RNF213: variants seen among roughly 807,000 people sequenced by gnomAD.
The protein encoded by RNF213 is ring finger protein 213.
Under a neutral mutation model 514.4 loss-of-function variants are expected in RNF213, and 341 were observed. That is an observed-to-expected ratio of 0.66 (90% CI 0.61 to 0.73). The LOEUF (loss-of-function observed/expected upper bound fraction) is 0.73. Ranked by LOEUF, RNF213 falls within the 30% of genes least tolerant of loss-of-function variation. RNF213 has a pLI of 0.00. For synonymous variants in RNF213, 2,655 were observed against 2,658.2 expected (o/e 1.00, Z 0.04); for missense variants, 5,767 against 6,615.6 (o/e 0.87, Z 4.45).
intron 14 of RNF213, among the ~76,000 whole-genome samples, chr17:80,310,954 A>G (rs879572441): frequency 6.6e-6 from 1 of 152,210 alleles, no homozygotes; most frequent in South Asian, 2.1e-4. Context: ...TTCTTGTGTT[A>G]AAGTACCACA....
In RNF213 at chr17:80,339,988, T is replaced by G. The variant is rs1469875115; in HGVS notation, c.5621T>G (p.Val1874Gly). ...ACCCCGGCAACCACCTTTGAGGAGG[T>G]GGCACTGTTGCTGCGCCGCTGCCTG... ...LCTPATTFEE[V>G]ALLLRRCLTL... is the part of the protein sequence containing the mutation. Residue 1874 changes from valine to glycine, a missense_variant, in exon 26 of 68, where the codon GTG becomes GGG. Transcript: ENST00000582970. 5.9e-6 allele frequency: 9 copies of G among 1,537,582 alleles called. No homozygotes were observed. The highest frequency in any genetic ancestry group is 7.0e-6 in the Non-Finnish European group (8 of 1,147,004).
intron 3 of RNF213, among the ~76,000 whole-genome samples, chr17:80,278,608 C>T (rs960624415): frequency 2.0e-5 from 3 of 152,188 alleles, no homozygotes; most frequent in South Asian, 2.1e-4. Context: ...TGGAGGCAGA[C>T]GGTGCTGGGA....
At chr17:80,392,796 G>T (rs2080530694) in intron 67 of RNF213, among the ~76,000 whole-genome samples, 1 of 151,792 alleles carries the variant, frequency 6.6e-6, no homozygotes, top group Admixed American at 6.6e-5. Context: ...CTCCATGTTG[G>T]CTAGGCTGGT....
chr17:80,364,623 A>G (rs1026584549), intron 42 of RNF213, 70 bp downstream of exon 42: 63 of 1,598,588 alleles, frequency 3.9e-5, no homozygotes, highest in Non-Finnish European at 5.2e-5. Context: ...CAGCACTGAC[A>G]GTGATCTGCG....
intron 8 of RNF213, among the ~76,000 whole-genome samples, chr17:80,294,124 A>G (rs535905847): frequency 2.6e-5 from 4 of 151,980 alleles, no homozygotes; most frequent in Admixed American, 6.6e-5. Flanking sequence ...TTTACAGTCA[A>G]CCTCACTGGG....
chr17:80,333,106 T>G (rs1372716801), intron 21 of RNF213, among the ~76,000 whole-genome samples: 1 of 151,616 alleles, frequency 6.6e-6, no homozygotes, highest in Non-Finnish European at 1.5e-5. Context: ...TGGAGTGCAG[T>G]GGCGCGATCT....
At chr17:80,283,710 C>A (rs1211428020) in intron 3 of RNF213, among the ~76,000 whole-genome samples, 3 of 152,118 alleles carry the variant, frequency 2.0e-5, no homozygotes, top group Non-Finnish European at 4.4e-5. Context: ...ATCTTCCATG[C>A]TGGTGGGAGG....
At chr17:80,361,639 C>T (rs902063907) in intron 38 of RNF213, 95 bp from the exon 39 acceptor site, 18 of 1,380,568 alleles carry the variant, frequency 1.3e-5, no homozygotes, top group Middle Eastern at 5.0e-4. Flanking sequence ...TTCAACAAGG[C>T]GTCCCCATTC....
chr17:80,303,850 G>A (rs756177790), intron 11 of RNF213, among the ~76,000 whole-genome samples: 1 of 151,258 alleles, frequency 6.6e-6, no homozygotes, highest in Non-Finnish European at 1.5e-5. Context: ...GATTACAGGC[G>A]TGAGCCACCC....
chr17:80,272,906 C>T (rs111754394), intron 2 of RNF213, among the ~76,000 whole-genome samples: 1 of 152,294 alleles, frequency 6.6e-6, no homozygotes, highest in African/African-American at 2.4e-5. Flanking sequence ...GAAAGCGTAA[C>T]AGGCTCTGTT....
At chr17:80,319,774 T>A in intron 17 of RNF213, 2 of 1,262,904 alleles carry the variant, frequency 1.6e-6, no homozygotes, top group Non-Finnish European at 2.0e-6. Flanking sequence ...GGGAAGAGAT[T>A]GTGCCCCCCT....
At chr17:80,359,141 C>T (rs1011852105) in intron 37 of RNF213, among the ~76,000 whole-genome samples, 2 of 152,116 alleles carry the variant, frequency 1.3e-5, no homozygotes, top group African/African-American at 4.8e-5. Flanking sequence ...CTTCCGCAGG[C>T]CTGATGATGT....
intron 3 of RNF213, chr17:80,278,637 T>A: frequency 8.5e-7 from 1 of 1,182,080 alleles, no homozygotes; most frequent in South Asian, 1.5e-5. Context: ...AGTGCCCACA[T>A]GTGGGTGTCC....
chr17:80,296,953 A>G (rs1028060430), intron 10 of RNF213, among the ~76,000 whole-genome samples: 2 of 151,452 alleles, frequency 1.3e-5, no homozygotes, highest in African/African-American at 2.4e-5. Context: ...TGCTGGGATT[A>G]TAGACATGAG....
intron 54 of RNF213, 184 bp from the exon 55 acceptor site, chr17:80,379,436 C>T (rs2079896407): frequency 1.5e-6 from 1 of 653,038 alleles, no homozygotes; most frequent in Non-Finnish European, 2.8e-6. Flanking sequence ...TGCCCACGTG[C>T]AACATTAGTG....
rs1451344270 is a variant in RNF213, at chr17:80,343,577, G to A, written c.6183+252G>A. 2.6e-5 allele frequency among the ~76,000 whole-genome samples: 4 copies of A among 152,298 alleles called. No individual in the cohort carries two copies. The highest frequency in any genetic ancestry group is 4.1e-4 in the South Asian group (2 of 4,830). On this transcript the variant is annotated intron_variant, in intron 27 of 67. Transcript: ENST00000582970. This position sits in a 1 kb window ranked among gnomAD's most constrained non-coding sequence, Gnocchi z 4.3. ...CACAGGCTTTATGGTACACACTGTC[G>A]CTCCTAGGCCGCAAACCTGTGCTGC...
intron 20 of RNF213, among the ~76,000 whole-genome samples, chr17:80,331,144 A>T (rs1468358722): frequency 6.6e-6 from 1 of 152,048 alleles, no homozygotes; most frequent in African/African-American, 2.4e-5. Flanking sequence ...ACAGACTTTG[A>T]ACCCAGTCTT....
chr17:80,268,354 GAAAA>G (rs898719348), intron 2 of RNF213, among the ~76,000 whole-genome samples: 3 of 73,198 alleles, frequency 4.1e-5, no homozygotes, highest in Non-Finnish European at 7.3e-5. Flanking sequence ...CCCTGTCTCA[GAAAA>G]AAAAAAAAAA....
chr17:80,354,721 T>G, intron 36 of RNF213, 145 bp downstream of exon 36: 1 of 1,062,204 alleles, frequency 9.4e-7, no homozygotes, highest in South Asian at 1.4e-5. Flanking sequence ...GTAAAGTTTT[T>G]CCCCAAGAAG....
Sources: allele counts gnomAD v4.1 joint callset (sites outside exome capture counted in the v4.1 genomes callset), GRCh38; gene constraint gnomAD v4.1.1; non-coding constraint Gnocchi (gnomAD v3.1); transcripts MANE v1.5; gene names NCBI Gene and HGNC (gene_info 2026-07-23, HGNC 2026-07-21).